TAF3: variants seen among roughly 807,000 people sequenced by gnomAD.
TAF3 encodes the protein transcription initiation factor TFIID subunit 3.
A neutral mutation model predicts 80.6 loss-of-function variants in TAF3; 7 were observed. That is an observed-to-expected ratio of 0.09 (90% confidence interval 0.05 to 0.16). The LOEUF is 0.16. TAF3 is among the 10% of genes least tolerant of loss of function. The probability of loss-of-function intolerance (pLI) is 1.00; values close to 1 mark genes in which losing one functional copy is unlikely to be tolerated. For missense variants in TAF3, 921 were observed against 1,140.2 expected, an observed-to-expected ratio of 0.81 and a Z score of 2.77; for synonymous variants, 444 against 446.1, an observed-to-expected ratio of 1.00 and a Z score of 0.06.
At chr10:7,865,204 A>G (rs1307469647) in intron 2 of TAF3, among the ~76,000 whole-genome samples, 1 of 152,124 alleles carries the variant, frequency 6.6e-6, no homozygotes, top group Admixed American at 6.5e-5. Context: ...ATGGTGGCTC[A>G]TGCCTGTAAT....
chr10:7,823,334 TAAA>T (rs948457411), intron 1 of TAF3, among the ~76,000 whole-genome samples: 1 of 135,796 alleles, frequency 7.4e-6, no homozygotes. Flanking sequence ...ATTTGATGAT[TAAA>T]AAAAAAAAAA....
intron 2 of TAF3, among the ~76,000 whole-genome samples, chr10:7,877,407 A>G (rs903769669): frequency 6.6e-6 from 1 of 152,148 alleles, no homozygotes; most frequent in African/African-American, 2.4e-5. Context: ...AAGTAGATAC[A>G]TTTCTTAGCC....
At chr10:7,984,402 C>T (rs943530979) in intron 4 of TAF3, among the ~76,000 whole-genome samples, 1 of 152,132 alleles carries the variant, frequency 6.6e-6, no homozygotes, top group African/African-American at 2.4e-5. Context: ...TACTTGTAAA[C>T]AATTACAGCA....
rs1350793428 is a variant in TAF3 at position 7,818,533 on chromosome 10, C to T, written c.-177C>T. On this transcript the variant is annotated 5_prime_UTR_variant, in exon 1 of 7. Transcript: ENST00000344293. ...GGGAGGCGGAGCGAGTCCAAAATGGCGGCTCTCAGGCTGGCGCGCTCCGTG... is the reference window on the plus strand; with the variant it reads ...GGGAGGCGGAGCGAGTCCAAAATGGTGGCTCTCAGGCTGGCGCGCTCCGTG... 3.5e-6 allele frequency: 2 copies of T among 573,448 alleles called. No individual in the cohort carries two copies. Among genetic ancestry groups the T allele is most frequent in the East Asian group, 3.4e-5 (1 of 29,046 alleles). 35.5% of individuals were successfully genotyped at this position (573,448 alleles called of 1,614,324 possible).
At chr10:7,832,045 A>G (rs1470051277) in intron 2 of TAF3, among the ~76,000 whole-genome samples, 3 of 152,142 alleles carry the variant, frequency 2.0e-5, no homozygotes, top group Non-Finnish European at 4.4e-5. Context: ...TGTGGAGAGA[A>G]CATTTAAAAC....
chr10:7,926,711 A>G (rs1837818065), intron 2 of TAF3, among the ~76,000 whole-genome samples: 1 of 152,198 alleles, frequency 6.6e-6, no homozygotes, highest in Non-Finnish European at 1.5e-5. Context: ...TTACTTCAGT[A>G]ATTCTTTTTT....
intron 2 of TAF3, among the ~76,000 whole-genome samples, chr10:7,859,014 G>C (rs972832547): frequency 2.0e-5 from 3 of 152,108 alleles, no homozygotes; most frequent in African/African-American, 7.2e-5. Context: ...TGTAATCCCA[G>C]CACTTTGGGA....
intron 2 of TAF3, among the ~76,000 whole-genome samples, chr10:7,886,875 A>C (rs1380486696): frequency 6.6e-6 from 1 of 152,232 alleles, no homozygotes; most frequent in African/African-American, 2.4e-5. Context: ...AAAAATTTTA[A>C]ATACCATCTC....
intron 2 of TAF3, among the ~76,000 whole-genome samples, chr10:7,878,731 ATG>A (rs2131152265): frequency 9.5e-6 from 1 of 105,314 alleles, no homozygotes; most frequent in East Asian, 3.4e-4. Context: ...GTATGTATGT[ATG>A]TATGTATGTA....
At chr10:7,937,060 T>C (rs1837928577) in intron 2 of TAF3, among the ~76,000 whole-genome samples, 1 of 152,230 alleles carries the variant, frequency 6.6e-6, no homozygotes, top group Non-Finnish European at 1.5e-5. Flanking sequence ...GTTGTCTGAA[T>C]GTAGCACAGT....
At position 7,964,671 on chromosome 10, in the gene TAF3, T is replaced by C; in HGVS notation, c.1161T>C (p.Ile387=). ...AGGCTGTGGTAGCAGATAAAACGATTGAGGCCTCTATCGATGCTGTGATTG... is the reference window on the plus strand; with the variant it reads ...AGGCTGTGGTAGCAGATAAAACGATCGAGGCCTCTATCGATGCTGTGATTG... The part of the protein sequence containing the change: ...PKKAVVADKT[I]EASIDAVIAR... The change falls in exon 3 of 7, where the codon ATT becomes ATC. Residue 387 remains isoleucine (I), a synonymous_variant. Transcript: ENST00000344293. This position sits in a 1 kb window ranked among gnomAD's most constrained non-coding sequence, Gnocchi z 4.1. 1 of 1,614,158 alleles carries C rather than the reference T, an allele frequency of 6.2e-7. No homozygotes were observed. The highest frequency in any genetic ancestry group is 8.5e-7 in the Non-Finnish European group (1 of 1,180,024).
chr10:7,873,342 T>G (rs1837284209), intron 2 of TAF3, among the ~76,000 whole-genome samples: 2 of 152,238 alleles, frequency 1.3e-5, no homozygotes, highest in Admixed American at 1.3e-4. Context: ...TTCATTGACT[T>G]ACTTTGTATC....
At chr10:8,008,332 C>T (rs1183918609) in intron 4 of TAF3, among the ~76,000 whole-genome samples, 1 of 152,032 alleles carries the variant, frequency 6.6e-6, no homozygotes, top group South Asian at 2.1e-4. Flanking sequence ...CTCTCGACCT[C>T]AGGTAATCCA....
chr10:7,856,604 C>T lies in TAF3; in HGVS notation c.409+32044C>T, dbSNP rs866849420. ...CAGAAGCCTAGGAGCAGTGACCATC[C>T]GTGTGACACTGAGGACCAATAAAGC... On this transcript the variant is annotated intron_variant, in intron 2 of 6. Transcript: ENST00000344293. Among the ~76,000 whole-genome samples the T allele has an allele frequency of 1.6e-4, 25 of 152,158 alleles. 1 individual carries two copies. In the Middle Eastern group the frequency reaches 0.017, roughly 104 times the overall value.
intron 3 of TAF3, 97 bp downstream of exon 3, chr10:7,965,839 A>C: frequency 7.3e-7 from 1 of 1,370,374 alleles, no homozygotes; most frequent in Non-Finnish European, 9.5e-7. Context: ...CTGGGTGTAA[A>C]TCACCCATCA....
chr10:7,999,018 A>T (rs1228743266), intron 4 of TAF3, among the ~76,000 whole-genome samples: 1 of 152,142 alleles, frequency 6.6e-6, no homozygotes, highest in African/African-American at 2.4e-5. Context: ...GTTGGGAATG[A>T]CTAGGTGGCT....
At chr10:7,846,169 G>A (rs1564346288) in intron 2 of TAF3, among the ~76,000 whole-genome samples, 1 of 152,066 alleles carries the variant, frequency 6.6e-6, no homozygotes, top group Non-Finnish European at 1.5e-5. Context: ...GTGTTAGCCA[G>A]GACGGTCTCG....
chr10:7,921,375 C>T (rs1227995941), intron 2 of TAF3, among the ~76,000 whole-genome samples: 1 of 152,024 alleles, frequency 6.6e-6, no homozygotes, highest in Non-Finnish European at 1.5e-5. Context: ...ATTACTTAGC[C>T]AAAATATTGT....
intron 2 of TAF3, among the ~76,000 whole-genome samples, chr10:7,873,878 T>C (rs1837290879): frequency 6.6e-6 from 1 of 152,246 alleles, no homozygotes; most frequent in South Asian, 2.1e-4. Flanking sequence ...CAAATGTTGA[T>C]TCTGTTGGCA....
Sources: allele counts gnomAD v4.1 joint callset (sites outside exome capture counted in the v4.1 genomes callset), GRCh38; gene constraint gnomAD v4.1.1; non-coding constraint Gnocchi (gnomAD v3.1); transcripts MANE v1.5; gene names NCBI Gene and HGNC (gene_info 2026-07-23, HGNC 2026-07-21).